SH3GL1: variants seen among roughly 807,000 people sequenced by gnomAD.
The protein encoded by SH3GL1 is SH3 domain containing GRB2 like 1, endophilin A2, also known as endophilin-A2.
A neutral mutation model predicts 48.8 loss-of-function variants in SH3GL1; 21 were observed. The observed-to-expected ratio is 0.43, with a 90% CI of 0.30 to 0.62. SH3GL1 has a LOEUF of 0.62. Among genes scored for constraint, SH3GL1 ranks in the 20% least tolerant of loss-of-function variants. SH3GL1 has a pLI of 0.11. For synonymous variants in SH3GL1, 282 were observed against 217.5 expected (o/e 1.30, Z -2.61); for missense variants, 454 against 503.0 (o/e 0.90, Z 0.93).
rs750015987 is a variant in SH3GL1, at chr19:4,376,636, C to A, written c.46-9642G>T. 8.6e-5 allele frequency among the ~76,000 whole-genome samples: 13 copies of A among 152,000 alleles called. No homozygotes were observed. The highest frequency in any genetic ancestry group is 1.4e-4 in the African/African-American group (6 of 41,454). The stretch of plus-strand genomic sequence containing the variant: ...TTACACCCCCATCTGCCTGGGCGGC[C>A]CCCCCATCTCCCCTCAGAGCTTTTG... On this transcript the variant is annotated intron_variant, in intron 1 of 9. Coordinates refer to ENST00000269886, the MANE Select transcript of SH3GL1 (RefSeq NM_003025.4). This position sits in a 1 kb window ranked among gnomAD's most constrained non-coding sequence, Gnocchi z 4.3.
chr19:4,375,510 C>A (rs1972989920), intron 1 of SH3GL1, among the ~76,000 whole-genome samples: 1 of 152,222 alleles, frequency 6.6e-6, no homozygotes, highest in Non-Finnish European at 1.5e-5. Context: ...GACAGGCCTG[C>A]CAACCAGGGG....
At chr19:4,386,665 A>T (rs1973241822) in intron 1 of SH3GL1, among the ~76,000 whole-genome samples, 1 of 151,366 alleles carries the variant, frequency 6.6e-6, no homozygotes, top group African/African-American at 2.4e-5. Context: ...AAGAATGCTG[A>T]CTGCTGGGTC....
In SH3GL1 at chr19:4,361,563, A is replaced by G; in HGVS notation, c.*37T>C. The G allele has an allele frequency of 6.7e-7, 1 of 1,499,620 alleles. No homozygotes were observed. Among genetic ancestry groups the G allele is most frequent in the Non-Finnish European group, 9.1e-7 (1 of 1,098,456 alleles). The allele number at this position is 1,499,620 out of a possible 1,614,324, so 92.9% of individuals were successfully genotyped here. A position where few individuals can be genotyped will look rare whatever the true frequency, so the allele number is the denominator to read the frequency against. On this transcript the variant is annotated 3_prime_UTR_variant, in exon 10 of 10. Transcript: ENST00000269886. ...GGAGACCCAGCAGGGGGTGCCGGCC[A>G]GTGTGGACGGAGGGGCGGGGCGGGG...
intron 1 of SH3GL1, among the ~76,000 whole-genome samples, chr19:4,371,511 T>A (rs1033346277): frequency 2.6e-5 from 4 of 152,202 alleles, no homozygotes; most frequent in East Asian, 1.9e-4. Flanking sequence ...TCGGGCTTGG[T>A]GCCCCAGCAG....
chr19:4,395,397 TGGTTATTCTGA>T (rs1405933747), intron 1 of SH3GL1: 1 of 152,172 alleles, frequency 6.6e-6, no homozygotes, highest in Non-Finnish European at 1.5e-5. Context: ...GCAGCAGACA[TGGTTATTCTGA>T]GAGTCATGTA....
rs189831858 is a variant in SH3GL1 at position 4,367,816 on chromosome 19, G to C, written c.46-822C>G. On this transcript the variant is annotated intron_variant, in intron 1 of 9. Transcript: ENST00000269886. This position sits in a 1 kb window ranked among gnomAD's most constrained non-coding sequence, Gnocchi z 4.2. ...GGAACCACTGAACCCCAGCACCGCTGTCTGAGCACAGGCGTTGCTTTCTTC... is the reference window on the plus strand; with the variant it reads ...GGAACCACTGAACCCCAGCACCGCTCTCTGAGCACAGGCGTTGCTTTCTTC... Among the ~76,000 whole-genome samples the C allele has an allele frequency of 6.6e-6, 1 of 152,234 alleles. No individual in the cohort carries two copies. Among genetic ancestry groups the C allele is most frequent in the Non-Finnish European group, 1.5e-5 (1 of 68,040 alleles).
rs549632628 is a variant in SH3GL1 at position 4,366,485 on chromosome 19, T to A, written c.187+16A>T. The A allele has an allele frequency of 8.1e-6, 13 of 1,604,312 alleles. No homozygotes were observed. In the Admixed American group the frequency reaches 2.2e-4, roughly 27 times the overall value. ...GAGGGCCTGGGGCAGGCCCTGGCAG[T>A]GGCTGGAGCACCCACCTGGGTTGGG... On this transcript the variant is annotated intron_variant, in intron 3 of 9. Coordinates refer to ENST00000269886, the MANE Select transcript of SH3GL1 (RefSeq NM_003025.4).
At position 4,399,319 on chromosome 19, in the gene SH3GL1, CAAAAAAAA is replaced by C. The variant is rs58263818; in HGVS notation, c.45+997_45+1004del. ...GGGGCGACAGAGCATGACTCCCTCT[CAAAAAAAA>C]AAAAAAAAAAAAAAATCCAAGAAGT... On this transcript the variant is annotated intron_variant, in intron 1 of 9. Coordinates refer to ENST00000269886, the MANE Select transcript of SH3GL1 (RefSeq NM_003025.4). 7.7e-3 allele frequency among the ~76,000 whole-genome samples: 382 copies of C among 49,632 alleles called. 8 individuals are homozygous for C. The highest frequency in any genetic ancestry group is 0.053 in the Middle Eastern group (2 of 38). The allele number at this position is 49,632 out of a possible 152,430, so 32.6% of individuals were successfully genotyped here.
In SH3GL1 at chr19:4,367,723, C is replaced by A. The variant is rs1332198730; in HGVS notation, c.46-729G>T. ...AAGGCAGAAGCAAGCACTGAATTCC[C>A]AAACCACTCCCTCTGACAGCGCCTG... On this transcript the variant is annotated intron_variant, in intron 1 of 9. Coordinates refer to ENST00000269886, the MANE Select transcript of SH3GL1 (RefSeq NM_003025.4). The surrounding 1 kb of genome is among the most constrained non-coding windows in gnomAD (Gnocchi z 4.2). 6.6e-6 allele frequency among the ~76,000 whole-genome samples: 1 copy of A among 152,202 alleles called. No homozygotes were observed. Among genetic ancestry groups the A allele is most frequent in the Non-Finnish European group, 1.5e-5 (1 of 68,032 alleles).
At chr19:4,371,019 C>T (rs962144629) in intron 1 of SH3GL1, among the ~76,000 whole-genome samples, 2 of 152,250 alleles carry the variant, frequency 1.3e-5, no homozygotes, top group Non-Finnish European at 2.9e-5. Flanking sequence ...GGATTTTCTG[C>T]CTGACCCTGT....
chr19:4,391,956 C>G (rs1217169403), intron 1 of SH3GL1, among the ~76,000 whole-genome samples: 1 of 152,256 alleles, frequency 6.6e-6, no homozygotes, highest in African/African-American at 2.4e-5. Flanking sequence ...GAGCTTCCTG[C>G]AAGAACGGAC....
rs1972642850 is a variant in SH3GL1, at chr19:4,362,359, T to G, written c.880A>C (p.Lys294Gln). ...AASSSFRSSD[K>Q]PIRTPSRSMP... Reference sequence around the variant, plus strand: ...CTCCGGCTAGGGGTCCGGATGGGCTTGTCGGAAGATCGGAAAGACGATGAA... The same window carrying G: ...CTCCGGCTAGGGGTCCGGATGGGCTGGTCGGAAGATCGGAAAGACGATGAA... Residue 294 changes from lysine (K) to glutamine (Q), a missense_variant, in exon 9 of 10, where the codon AAG becomes CAG. This residue lies in a region of SH3GL1 where 278 missense variants were observed against 246.8 expected (regional missense o/e 1.13). Coordinates refer to ENST00000269886, the MANE Select transcript of SH3GL1 (RefSeq NM_003025.4). 6.2e-7 allele frequency: 1 copy of G among 1,612,258 alleles called. No homozygotes were observed. The highest frequency in any genetic ancestry group is 8.5e-7 in the Non-Finnish European group (1 of 1,179,204).
chr19:4,366,352 A>G, intron 3 of SH3GL1, 149 bp downstream of exon 3: 1 of 648,322 alleles, frequency 1.5e-6, no homozygotes, highest in South Asian at 1.8e-5. Context: ...GGCAGCATGC[A>G]GCACCAAGGA....
At chr19:4,372,093 A>G (rs1254473778) in intron 1 of SH3GL1, among the ~76,000 whole-genome samples, 5 of 152,202 alleles carry the variant, frequency 3.3e-5, no homozygotes, top group African/African-American at 1.2e-4. Context: ...CAGGCATGAC[A>G]CAGTGTGCCT....
chr19:4,385,536 C>A (rs1015149652), intron 1 of SH3GL1, among the ~76,000 whole-genome samples: 1 of 152,164 alleles, frequency 6.6e-6, no homozygotes, highest in Admixed American at 6.5e-5. Context: ...CTTTCTCCTG[C>A]CCTCCCTCCC....
chr19:4,362,947 A>G (rs1218934888), intron 7 of SH3GL1, among the ~76,000 whole-genome samples: 4 of 152,124 alleles, frequency 2.6e-5, no homozygotes, highest in Non-Finnish European at 4.4e-5. Context: ...GGCATCCCAG[A>G]GATTGCCAAG....
intron 1 of SH3GL1, chr19:4,395,914 A>G (rs1229628095): frequency 6.9e-6 from 1 of 145,270 alleles, no homozygotes; most frequent in African/African-American, 2.5e-5. Context: ...CTGTCTCAAA[A>G]TATATATATA....
At position 4,392,099 on chromosome 19, in the gene SH3GL1, G is replaced by C. The variant is rs112074341; in HGVS notation, c.45+8225C>G. 2.6e-5 allele frequency among the ~76,000 whole-genome samples: 4 copies of C among 152,082 alleles called. No individual in the cohort carries two copies. In the South Asian group the frequency reaches 8.3e-4, roughly 32 times the overall value. On this transcript the variant is annotated intron_variant, in intron 1 of 9. Coordinates refer to ENST00000269886, the MANE Select transcript of SH3GL1 (RefSeq NM_003025.4). ...CTGCTGGACTCACCGGCCTTGTCCC[G>C]GGCACAGCCTCTGAATCACCAACGC...
At chr19:4,398,238 G>A (rs1973458218) in intron 1 of SH3GL1, among the ~76,000 whole-genome samples, 2 of 152,092 alleles carry the variant, frequency 1.3e-5, no homozygotes, top group South Asian at 4.1e-4. Flanking sequence ...TCTCCGAACT[G>A]TGGGCAGAGA....
Sources: allele counts gnomAD v4.1 joint callset (sites outside exome capture counted in the v4.1 genomes callset), GRCh38; gene constraint gnomAD v4.1.1; regional missense constraint gnomAD v4.1.1; non-coding constraint Gnocchi (gnomAD v3.1); transcripts MANE v1.5; gene names NCBI Gene and HGNC (gene_info 2026-07-23, HGNC 2026-07-21).